Variants in ELFN2 observed in about 807,000 individuals in gnomAD.
ELFN2 encodes extracellular leucine rich repeat and fibronectin type III domain containing 2, also known as protein phosphatase 1 regulatory subunit 29.
In ELFN2, 17 loss-of-function variants were observed where a neutral mutation model predicts 45.5. That is an observed-to-expected ratio of 0.37 (90% CI 0.26 to 0.56). ELFN2 has a LOEUF of 0.56. Ranked by LOEUF, ELFN2 falls within the 20% of genes least tolerant of loss-of-function variation. The pLI is 0.77. For synonymous variants in ELFN2, 550 were observed against 551.5 expected, an observed-to-expected ratio of 1.00 and a Z score of 0.04; for missense variants, 922 against 1,183.2, an observed-to-expected ratio of 0.78 and a Z score of 3.24.
At chr22:37,396,619 A>G (rs1006068185) in intron 2 of ELFN2, among the ~76,000 whole-genome samples, 1 of 152,114 alleles carries the variant, frequency 6.6e-6, no homozygotes, top group African/African-American at 2.4e-5. Context: ...CTTGAGCCCT[A>G]CGGCCTCCCA....
chr22:37,367,383 A>G (rs1431193346), downstream of ELFN2, among the ~76,000 whole-genome samples: 1 of 152,210 alleles, frequency 6.6e-6, no homozygotes, highest in Non-Finnish European at 1.5e-5. Context: ...GAAGAACCGC[A>G]GCAGATGGCG....
At chr22:37,416,436 C>T (rs1042623834) in intron 2 of ELFN2, among the ~76,000 whole-genome samples, 3 of 152,198 alleles carry the variant, frequency 2.0e-5, no homozygotes, top group Admixed American at 1.3e-4. Context: ...ACTGGGTCAA[C>T]AGGTCCTCAG....
rs775057044 is a variant in ELFN2 at position 37,386,877 on chromosome 22, G to A, written c.-462-10881C>T. Among the ~76,000 whole-genome samples, 133 of 152,278 alleles carry A rather than the reference G, an allele frequency of 8.7e-4. 1 individual carries two copies. Among genetic ancestry groups the A allele is most frequent in the Non-Finnish European group, 1.4e-3 (97 of 68,032 alleles). ...AATCCAGGCTATGCCACCTCACCCC[G>A]TGGTCCTGGCAAGCTAATCTGTCCT... On this transcript the variant is annotated intron_variant, in intron 2 of 2. Coordinates refer to ENST00000402918, the MANE Select transcript of ELFN2 (RefSeq NM_052906.5).
intron 1 of ELFN2, among the ~76,000 whole-genome samples, chr22:37,422,985 G>A (rs1187417810): frequency 1.3e-5 from 2 of 150,546 alleles, no homozygotes; most frequent in Non-Finnish European, 2.9e-5. Flanking sequence ...CCCACACCGA[G>A]GAGGAAAAGA....
chr22:37,392,740 T>C (rs1483070012), intron 2 of ELFN2, among the ~76,000 whole-genome samples: 2 of 152,204 alleles, frequency 1.3e-5, no homozygotes, highest in Non-Finnish European at 2.9e-5. Context: ...CACTGTATAT[T>C]TGCCCCCACA....
chr22:37,404,530 C>T (rs542894453), intron 2 of ELFN2, among the ~76,000 whole-genome samples: 12 of 152,104 alleles, frequency 7.9e-5, no homozygotes, highest in African/African-American at 2.9e-4. Flanking sequence ...AGGCAGAGCC[C>T]GGGTGGGGCC....
In ELFN2 at chr22:37,417,862, G is replaced by A. The variant is rs190678253; in HGVS notation, c.-556C>T. On this transcript the variant is annotated 5_prime_UTR_variant, in exon 2 of 3. Transcript: ENST00000402918. The surrounding 1 kb of genome is among the most constrained non-coding windows in gnomAD (Gnocchi z 4.5). ...GCAGCAGCGGCAGCAGTAGCAATGA[G>A]ATCTCAGGTCCTGGCCCAGCCCGGG... The A allele has an allele frequency of 6.5e-6, 1 of 152,888 alleles. No individual in the cohort carries two copies. The highest frequency in any genetic ancestry group is 1.9e-4 in the East Asian group (1 of 5,186). 9.5% of individuals were successfully genotyped at this position (152,888 alleles called of 1,614,324 possible).
chr22:37,357,300 G>A (rs1930975684), intron 1 of ELFN2, among the ~76,000 whole-genome samples: 1 of 152,162 alleles, frequency 6.6e-6, no homozygotes, highest in African/African-American at 2.4e-5. Context: ...CGGGAGGTTG[G>A]GGAATGTCTT....
Position 37,393,739 on chromosome 22 carries a change from C to T in ELFN2, c.-462-17743G>A, listed in dbSNP as rs148604970. On this transcript the variant is annotated intron_variant, in intron 2 of 2. Transcript: ENST00000402918. ...CCTCGCTGACTCGGGGTCCCCAGAG[C>T]GTCCCCATCACATGTGCCAACAGGA... Among the ~76,000 whole-genome samples the T allele has an allele frequency of 5.7e-3, 866 of 152,250 alleles. 6 individuals are homozygous for T. The highest frequency in any genetic ancestry group is 0.018 in the African/African-American group (762 of 41,538).
intron 2 of ELFN2, among the ~76,000 whole-genome samples, chr22:37,409,051 C>T (rs929884276): frequency 6.6e-5 from 10 of 152,222 alleles, no homozygotes; most frequent in African/African-American, 2.4e-4. Flanking sequence ...GAATCTCCAG[C>T]TTGGCCAAGG....
chr22:37,365,940 C>T (rs1022160566), downstream of ELFN2, among the ~76,000 whole-genome samples: 1 of 152,166 alleles, frequency 6.6e-6, no homozygotes, highest in Non-Finnish European at 1.5e-5. Context: ...TTGCGAATGT[C>T]CTTGAGCACT....
rs1168739995 is a variant in ELFN2, at chr22:37,374,871, C to T, written c.664G>A (p.Ala222Thr). The part of the protein sequence containing the change: ...RLQCESPREF[A>T]GYPLLVPRPY... The stretch of plus-strand genomic sequence containing the variant: ...CGGGGCACCAGCAGCGGGTAGCCGG[C>T]AAACTCCCGCGGCGACTCACACTGC... Residue 222 changes from alanine to threonine, a missense_variant, in exon 3 of 3, where the codon GCC becomes ACC. By Grantham distance (58) the Ala-to-Thr change is moderately conservative. Transcript: ENST00000402918. 6.2e-7 allele frequency: 1 copy of T among 1,609,744 alleles called. No individual in the cohort carries two copies. The highest frequency in any genetic ancestry group is 2.2e-5 in the East Asian group (1 of 44,872).
chr22:37,417,057 A>C lies in ELFN2; in HGVS notation c.-463+712T>G, dbSNP rs1932766710. Among the ~76,000 whole-genome samples, 1 of 150,068 alleles carries C rather than the reference A, an allele frequency of 6.7e-6. No homozygotes were observed. On this transcript the variant is annotated intron_variant, in intron 2 of 2. Transcript: ENST00000402918. The surrounding 1 kb of genome is among the most constrained non-coding windows in gnomAD (Gnocchi z 4.5). Reference sequence around the variant, plus strand: ...CTCACCACGGCAACCACCGTCACTCAGCGCCGCCTGGACAACAGCTCCCTC... The same window carrying C: ...CTCACCACGGCAACCACCGTCACTCCGCGCCGCCTGGACAACAGCTCCCTC...
chr22:37,403,248 C>T (rs1404967934), intron 2 of ELFN2, among the ~76,000 whole-genome samples: 1 of 151,496 alleles, frequency 6.6e-6, no homozygotes, highest in Non-Finnish European at 1.5e-5. Flanking sequence ...GCTAGGCTCC[C>T]AGCACTGCAG....
At chr22:37,382,055 T>C (rs7289227) in intron 2 of ELFN2, among the ~76,000 whole-genome samples, 120,583 of 150,776 alleles carry the variant, frequency 0.8, 48,432 homozygotes, top group African/African-American at 0.9. Flanking sequence ...GGGCACAAAA[T>C]GTGCCGAGCC....
chr22:37,398,488 C>A (rs1932277674), intron 2 of ELFN2, among the ~76,000 whole-genome samples: 1 of 151,754 alleles, frequency 6.6e-6, no homozygotes, highest in Non-Finnish European at 1.5e-5. Context: ...CTTCCCCCTA[C>A]CCCAGTAAAG....
At chr22:37,399,948 C>T (rs1297006144) in intron 2 of ELFN2, among the ~76,000 whole-genome samples, 2 of 152,144 alleles carry the variant, frequency 1.3e-5, no homozygotes, top group African/African-American at 4.8e-5. Flanking sequence ...CAGCATCATT[C>T]GCAAAGGACA....
At chr22:37,401,990 G>A (rs1191726418) in intron 2 of ELFN2, among the ~76,000 whole-genome samples, 2 of 152,176 alleles carry the variant, frequency 1.3e-5, no homozygotes. Context: ...CCCCAGATAA[G>A]GAATCAGAAG....
chr22:37,387,505 G>A (rs1296596391), intron 2 of ELFN2, among the ~76,000 whole-genome samples: 3 of 151,976 alleles, frequency 2.0e-5, no homozygotes, highest in East Asian at 1.9e-4. Flanking sequence ...GGAGGGTAAG[G>A]GACAGACTAA....
Sources: gnomAD v4.1 joint callset for allele counts (sites outside exome capture counted in the v4.1 genomes callset) on GRCh38, gnomAD v4.1.1 for gene constraint, Gnocchi (gnomAD v3.1) non-coding constraint, MANE v1.5 for transcripts, NCBI Gene and HGNC (gene_info 2026-07-23, HGNC 2026-07-21) for gene names.